The following PTH2R variants were observed in gnomAD, a reference collection of about 807,000 sequenced individuals.
The protein encoded by PTH2R is parathyroid hormone 2 receptor.
In PTH2R, 59 loss-of-function variants were observed where a neutral mutation model predicts 60.3. The observed-to-expected ratio is 0.98, with a 90% CI of 0.79 to 1.22. PTH2R has a LOEUF of 1.22. PTH2R is among the 50% of genes most tolerant of loss of function. The pLI, the probability that PTH2R is intolerant of heterozygous loss-of-function variation, is 0.00. For synonymous variants in PTH2R, 256 were observed against 243.8 expected, an observed-to-expected ratio of 1.05 and a Z score of -0.47; for missense variants, 749 against 682.6, an observed-to-expected ratio of 1.10 and a Z score of -1.08.
intron 1 of PTH2R, among the ~76,000 whole-genome samples, chr2:208,420,272 A>G (rs1156777915): frequency 6.6e-6 from 1 of 152,010 alleles, no homozygotes; most frequent in Non-Finnish European, 1.5e-5. Flanking sequence ...GTACCCTAAA[A>G]CTTAAAGTAT....
upstream of PTH2R, among the ~76,000 whole-genome samples, chr2:208,406,445 G>T (rs1424747059): frequency 1.3e-5 from 2 of 152,154 alleles, no homozygotes; most frequent in Non-Finnish European, 2.9e-5. Flanking sequence ...CAGACGCAGG[G>T]CCTACCTGGC....
intron 9 of PTH2R, among the ~76,000 whole-genome samples, chr2:208,465,525 C>G (rs1702729383): frequency 6.7e-6 from 1 of 149,654 alleles, no homozygotes; most frequent in African/African-American, 2.5e-5. Context: ...GTCTCAGACT[C>G]CCGAGTAGCT....
rs1236831426 is a variant in PTH2R, at chr2:208,493,503, C to A, written c.1497C>A (p.Asn499Lys). ...CTTTACCTGGCTATGTCTGGAGTAA[C>A]TCAGAGCAGGACTGCCTGCCACACT... The part of the protein sequence containing the change: ...HITLPGYVWS[N>K]SEQDCLPHSF... Residue 499 changes from asparagine (N) to lysine (K), a missense_variant, in exon 13 of 13, where the codon AAC becomes AAA. Transcript: ENST00000272847. 1.2e-6 allele frequency: 2 copies of A among 1,613,810 alleles called. No homozygotes were observed. The highest frequency in any genetic ancestry group is 1.7e-6 in the Non-Finnish European group (2 of 1,179,840).
intron 9 of PTH2R, among the ~76,000 whole-genome samples, chr2:208,462,982 A>C (rs1352183458): frequency 1.3e-5 from 2 of 152,328 alleles, no homozygotes; most frequent in South Asian, 2.1e-4. Flanking sequence ...TCATTTGGAA[A>C]GATCTCAGGG....
chr2:208,428,406 C>A, intron 2 of PTH2R, 103 bp downstream of exon 2: 1 of 771,166 alleles, frequency 1.3e-6, no homozygotes, highest in South Asian at 1.8e-5. Context: ...CCTTATCAGT[C>A]AATCCACATT....
At chr2:208,377,105 T>A (rs1217306351) in intron 1 of PTH2R, among the ~76,000 whole-genome samples, 1 of 151,988 alleles carries the variant, frequency 6.6e-6, no homozygotes, top group Non-Finnish European at 1.5e-5. Flanking sequence ...AAGCATCTGT[T>A]TAACAAAGCA....
chr2:208,386,897 TG>T (rs940387777), intron 1 of PTH2R, among the ~76,000 whole-genome samples: 1 of 152,216 alleles, frequency 6.6e-6, no homozygotes, highest in Admixed American at 6.5e-5. Context: ...GTGAATCATT[TG>T]GGGTGGAGAA....
At chr2:208,481,863 T>C (rs967392068) in intron 10 of PTH2R, among the ~76,000 whole-genome samples, 1 of 152,212 alleles carries the variant, frequency 6.6e-6, no homozygotes, top group Non-Finnish European at 1.5e-5. Flanking sequence ...TCACTAAATA[T>C]GCAAATATAT....
chr2:208,386,408 G>A (rs1490222108), intron 1 of PTH2R, among the ~76,000 whole-genome samples: 3 of 152,180 alleles, frequency 2.0e-5, no homozygotes, highest in Non-Finnish European at 4.4e-5. Context: ...TATCTTGACT[G>A]TATCTGTGTC....
chr2:208,411,075 G>A (rs568952756), intron 1 of PTH2R, among the ~76,000 whole-genome samples: 33 of 152,208 alleles, frequency 2.2e-4, no homozygotes, highest in African/African-American at 7.2e-4. Context: ...GTGAAACACC[G>A]TCTCTACTAA....
At chr2:208,389,541 G>A (rs964887816) in intron 1 of PTH2R, among the ~76,000 whole-genome samples, 18 of 152,118 alleles carry the variant, frequency 1.2e-4, no homozygotes, top group Non-Finnish European at 2.2e-4. Flanking sequence ...GGAAGTTAGC[G>A]CACGTTAGTT....
Position 208,475,647 on chromosome 2 carries a change from C to A in PTH2R, c.982-5423C>A, listed in dbSNP as rs559824891. Reference sequence around the variant, plus strand: ...TGCAGAGATTTTGACCTTTAAATAACCCTCCAGAGAACTAACGTAACTGAC... The same window carrying A: ...TGCAGAGATTTTGACCTTTAAATAAACCTCCAGAGAACTAACGTAACTGAC... On this transcript the variant is annotated intron_variant, in intron 9 of 12. Transcript: ENST00000272847. Among the ~76,000 whole-genome samples the A allele has an allele frequency of 9.2e-5, 14 of 152,282 alleles. 1 individual carries two copies. Among genetic ancestry groups the A allele is most frequent in the African/African-American group, 2.6e-4 (11 of 41,568 alleles).
exon 1 of PTH2R, chr2:208,359,926 T>C (rs1235279377): frequency 4.2e-6 from 1 of 240,130 alleles, no homozygotes; most frequent in South Asian, 4.4e-5. Context: ...GTGGCAGATC[T>C]GCGGGGCGCC....
chr2:208,450,646 T>C lies in PTH2R; in HGVS notation c.854-103T>C, dbSNP rs1464325498. Reference sequence around the variant, plus strand: ...TCAGAAATTTTCATGTCTATTTTTATCTCTGAACAGCTAATAGTATATTCT... The same window carrying C: ...TCAGAAATTTTCATGTCTATTTTTACCTCTGAACAGCTAATAGTATATTCT... On this transcript the variant is annotated intron_variant, in intron 7 of 12. Transcript: ENST00000272847. 3 of 1,149,296 alleles carry C rather than the reference T, an allele frequency of 2.6e-6. No homozygotes were observed. In the East Asian group the frequency reaches 7.1e-5, roughly 27 times the overall value. The allele number at this position is 1,149,296 out of a possible 1,614,324, so 71.2% of individuals were successfully genotyped here. A position where few individuals can be genotyped will look rare whatever the true frequency, so the allele number is the denominator to read the frequency against.
At chr2:208,468,453 T>C (rs561239316) in intron 9 of PTH2R, among the ~76,000 whole-genome samples, 1 of 152,328 alleles carries the variant, frequency 6.6e-6, no homozygotes, top group South Asian at 2.1e-4. Flanking sequence ...ATGAACTCCA[T>C]GCACTTATAA....
At position 208,392,220 on chromosome 2, in the gene PTH2R, C is replaced by A. The variant is rs574210101; in HGVS notation, c.-259+31983C>A. 3.3e-5 allele frequency among the ~76,000 whole-genome samples: 5 copies of A among 152,310 alleles called. No homozygotes were observed. In the South Asian group the frequency reaches 8.3e-4, roughly 25 times the overall value. On this transcript the variant is annotated intron_variant, in intron 1 of 12. Transcript: ENST00000617735. ...ACCACTGGATGGATTGGAACTACAG[C>A]TTTATTAATGAGGTGAAGGTCCTGA...
intron 9 of PTH2R, among the ~76,000 whole-genome samples, chr2:208,477,867 T>C (rs1453245917): frequency 6.8e-6 from 1 of 147,102 alleles, no homozygotes; most frequent in Non-Finnish European, 1.5e-5. Context: ...AATTATGTCT[T>C]AATTTAAAAA....
At chr2:208,380,996 T>G (rs1700902986) in intron 1 of PTH2R, among the ~76,000 whole-genome samples, 1 of 152,138 alleles carries the variant, frequency 6.6e-6, no homozygotes, top group African/African-American at 2.4e-5. Flanking sequence ...GCAAATTTTC[T>G]TAGTACACCC....
In PTH2R at chr2:208,364,807, G is replaced by A. The variant is rs543678453; in HGVS notation, c.-259+4570G>A. On this transcript the variant is annotated intron_variant, in intron 1 of 12. Coordinates refer to the PTH2R transcript ENST00000617735. Reference sequence around the variant, plus strand: ...TAAGTCTAATCCATGAATGTGAGATGTTTCTATTTATTTATCTCTTCTTTG... The same window carrying A: ...TAAGTCTAATCCATGAATGTGAGATATTTCTATTTATTTATCTCTTCTTTG... Among the ~76,000 whole-genome samples, 119 of 152,090 alleles carry A rather than the reference G, an allele frequency of 7.8e-4. No individual in the cohort carries two copies. The Middle Eastern group carries it at 0.01, about 13-fold the overall frequency.
Sources: gnomAD v4.1 joint callset for allele counts (sites outside exome capture counted in the v4.1 genomes callset) on GRCh38, gnomAD v4.1.1 for gene constraint, MANE v1.5 for transcripts, NCBI Gene and HGNC (gene_info 2026-07-23, HGNC 2026-07-21) for gene names.